The following FAM219A variants were observed in gnomAD, a reference collection of about 807,000 sequenced individuals.
The protein encoded by FAM219A is protein FAM219A.
Under a neutral mutation model 23.4 loss-of-function variants are expected in FAM219A, and 7 were observed. The observed-to-expected ratio is 0.30, with a 90% CI of 0.17 to 0.56. The LOEUF (loss-of-function observed/expected upper bound fraction) is 0.56, where lower values mean the gene tolerates loss of function less well. Among genes scored for constraint, FAM219A ranks in the 20% least tolerant of loss-of-function variants. The pLI is 0.92. For missense variants in FAM219A, 166 were observed against 246.9 expected, an observed-to-expected ratio of 0.67 and a Z score of 2.20; for synonymous variants, 93 against 99.0, an observed-to-expected ratio of 0.94 and a Z score of 0.36.
intron 1 of FAM219A, among the ~76,000 whole-genome samples, chr9:34,408,143 A>G (rs1367976733): frequency 6.6e-6 from 1 of 152,244 alleles, no homozygotes; most frequent in Non-Finnish European, 1.5e-5. Flanking sequence ...GAAGAAGGGC[A>G]GGAGGCTTTG....
At position 34,398,527 on chromosome 9, in the gene FAM219A, C is replaced by T; in HGVS notation, c.*2437G>A. On this transcript the variant is annotated 3_prime_UTR_variant, in exon 6 of 6. Transcript: ENST00000651358. Reference sequence around the variant, plus strand: ...CTGCCAGCTTCCTGCCTCTCTCTGCCACACATGCACTGCCTCAGTTGGAAG... The same window carrying T: ...CTGCCAGCTTCCTGCCTCTCTCTGCTACACATGCACTGCCTCAGTTGGAAG... 1.4e-6 allele frequency: 1 copy of T among 696,242 alleles called. No homozygotes were observed. The highest frequency in any genetic ancestry group is 2.7e-5 in the East Asian group (1 of 36,802). The allele number at this position is 696,242 out of a possible 1,614,324, so 43.1% of individuals were successfully genotyped here.
chr9:34,401,653 G>A lies in FAM219A; in HGVS notation c.399+13C>T, dbSNP rs772018217. 4.7e-5 allele frequency: 75 copies of A among 1,605,096 alleles called. No individual in the cohort carries two copies. The South Asian group carries it at 8.0e-4, about 17-fold the overall frequency. ...CCCGGTGGTGTCTAGGGTGAGAAGGGGTAGGGGCTCACCTCAGCAGAGGAG... is the reference window on the plus strand; with the variant it reads ...CCCGGTGGTGTCTAGGGTGAGAAGGAGTAGGGGCTCACCTCAGCAGAGGAG... On this transcript the variant is annotated intron_variant, in intron 5 of 5. Transcript: ENST00000651358.
chr9:34,412,461 T>C (rs1347990376), intron 1 of FAM219A, among the ~76,000 whole-genome samples: 1 of 151,934 alleles, frequency 6.6e-6, no homozygotes, highest in East Asian at 1.9e-4. Flanking sequence ...TGGGAACAGG[T>C]TGAATTTTGA....
intron 1 of FAM219A, among the ~76,000 whole-genome samples, chr9:34,444,734 C>T (rs970600209): frequency 2.0e-5 from 3 of 152,332 alleles, no homozygotes; most frequent in East Asian, 1.9e-4. Context: ...CTTGTAAGAA[C>T]AAAATCCTTC....
At chr9:34,453,278 C>T (rs989176026) in intron 1 of FAM219A, among the ~76,000 whole-genome samples, 3 of 152,078 alleles carry the variant, frequency 2.0e-5, no homozygotes, top group Non-Finnish European at 2.9e-5. Flanking sequence ...ATGTTCTCTC[C>T]GCCACTTTCA....
chr9:34,428,563 A>G (rs1822572800), intron 1 of FAM219A, among the ~76,000 whole-genome samples: 1 of 152,228 alleles, frequency 6.6e-6, no homozygotes, highest in Admixed American at 6.5e-5. Flanking sequence ...TGAGTCCTGC[A>G]CTGTTTCTTC....
At chr9:34,444,512 C>A (rs1445573297) in intron 1 of FAM219A, among the ~76,000 whole-genome samples, 1 of 152,182 alleles carries the variant, frequency 6.6e-6, no homozygotes, top group Non-Finnish European at 1.5e-5. Flanking sequence ...TTCTCCAGCC[C>A]CCACAACAAA....
Position 34,399,180 on chromosome 9 carries a change from C to G in FAM219A, c.*1784G>C, listed in dbSNP as rs1159448731. 1 of 152,156 alleles carries G rather than the reference C, an allele frequency of 6.6e-6. No homozygotes were observed. The highest frequency in any genetic ancestry group is 1.5e-5 in the Non-Finnish European group (1 of 68,092). 9.4% of individuals were successfully genotyped at this position (152,156 alleles called of 1,614,324 possible). A position where few individuals can be genotyped will look rare whatever the true frequency, so the allele number is the denominator to read the frequency against. On this transcript the variant is annotated 3_prime_UTR_variant, in exon 6 of 6. Transcript: ENST00000651358. Reference sequence around the variant, plus strand: ...TGTGAGTGGATCCATGGGAGTGGATCCACCAGCACATGTGGGGTGTTAGCA... The same window carrying G: ...TGTGAGTGGATCCATGGGAGTGGATGCACCAGCACATGTGGGGTGTTAGCA...
chr9:34,398,240 A>G lies in FAM219A; in HGVS notation c.*2724T>C. On this transcript the variant is annotated 3_prime_UTR_variant, in exon 6 of 6. Transcript: ENST00000651358. Reference sequence around the variant, plus strand: ...TGTGTTACACGATACACAACCAAGGATGATGGTCAATACTGCAATGAAAAT... The same window carrying G: ...TGTGTTACACGATACACAACCAAGGGTGATGGTCAATACTGCAATGAAAAT... 1.3e-6 allele frequency: 2 copies of G among 1,542,972 alleles called. No individual in the cohort carries two copies. The highest frequency in any genetic ancestry group is 8.8e-7 in the Non-Finnish European group (1 of 1,140,154).
At chr9:34,409,109 G>C in intron 1 of FAM219A, among the ~76,000 whole-genome samples, 1 of 152,308 alleles carries the variant, frequency 6.6e-6, no homozygotes, top group East Asian at 1.9e-4. Flanking sequence ...CACAATTCAG[G>C]AGGGCCTGAC....
intron 1 of FAM219A, among the ~76,000 whole-genome samples, chr9:34,441,804 A>C (rs1823184713): frequency 6.6e-6 from 1 of 152,112 alleles, no homozygotes; most frequent in Admixed American, 6.5e-5. Context: ...ATCATGGCTC[A>C]CTGCAGCCTC....
rs1588024540 is a variant in FAM219A at position 34,398,775 on chromosome 9, T to G, written c.*2189A>C. ...GGTAGTGGGAGGGCTGGCTCTGGGG[T>G]CCAGATGATGGGGGCACAGGGGTTG... On this transcript the variant is annotated 3_prime_UTR_variant, in exon 6 of 6. Coordinates refer to ENST00000651358, the MANE Select transcript of FAM219A (RefSeq NM_001184940.2). 1 of 182,076 alleles carries G rather than the reference T, an allele frequency of 5.5e-6. No individual in the cohort carries two copies. Among genetic ancestry groups the G allele is most frequent in the Non-Finnish European group, 1.1e-5 (1 of 89,182 alleles). The allele number at this position is 182,076 out of a possible 1,614,324, so 11.3% of individuals were successfully genotyped here.
At chr9:34,414,437 G>A (rs773291560) in intron 1 of FAM219A, among the ~76,000 whole-genome samples, 3 of 152,218 alleles carry the variant, frequency 2.0e-5, no homozygotes, top group Non-Finnish European at 4.4e-5. Flanking sequence ...AAGATCCTTA[G>A]GGGATAGGTG....
chr9:34,452,386 C>T (rs549614266), intron 1 of FAM219A, among the ~76,000 whole-genome samples: 1 of 152,152 alleles, frequency 6.6e-6, no homozygotes, highest in African/African-American at 2.4e-5. Flanking sequence ...CTGAGTTTCC[C>T]GAGGTGATGA....
In FAM219A at chr9:34,399,545, T is replaced by C. The variant is rs1821346823; in HGVS notation, c.*1419A>G. On this transcript the variant is annotated 3_prime_UTR_variant, in exon 6 of 6. Coordinates refer to ENST00000651358, the MANE Select transcript of FAM219A (RefSeq NM_001184940.2). ...TGTGCTCAGACATACACAGTCCTGA[T>C]AGGAACTGCCCCTTCGCCTTTCTAC... 1 of 152,146 alleles carries C rather than the reference T, an allele frequency of 6.6e-6. No homozygotes were observed. The allele number at this position is 152,146 out of a possible 1,614,324, so 9.4% of individuals were successfully genotyped here. A position where few individuals can be genotyped will look rare whatever the true frequency, so the allele number is the denominator to read the frequency against.
rs1455491915 is a variant in FAM219A, at chr9:34,455,297, CGAG to C, written c.60+2904_60+2906del. Among the ~76,000 whole-genome samples the C allele has an allele frequency of 1.6e-4, 24 of 151,834 alleles. No homozygotes were observed. In the East Asian group the frequency reaches 4.7e-3, roughly 29 times the overall value. On this transcript the variant is annotated intron_variant, in intron 1 of 5. Coordinates refer to ENST00000651358, the MANE Select transcript of FAM219A (RefSeq NM_001184940.2). ...TTCATCTCATAAATGGAAAAACAAT[CGAG>C]GAAGGAGGAGAGACTTCCTAGAGGT...
At position 34,400,681 on chromosome 9, in the gene FAM219A, C is replaced by T. The variant is rs1411389878; in HGVS notation, c.*283G>A. On this transcript the variant is annotated 3_prime_UTR_variant, in exon 6 of 6. Coordinates refer to ENST00000651358, the MANE Select transcript of FAM219A (RefSeq NM_001184940.2). ...TTCTCTCTTGGCCAGCCCTGGGAAG[C>T]GGGGCAGGGTGCTGGGTGAGGTTCC... The T allele has an allele frequency of 1.3e-5, 4 of 318,218 alleles. No homozygotes were observed. The highest frequency in any genetic ancestry group is 2.2e-4 in the South Asian group (2 of 9,204). 19.7% of individuals were successfully genotyped at this position (318,218 alleles called of 1,614,324 possible).
Position 34,457,799 on chromosome 9 carries a change from C to T in FAM219A, c.60+405G>A, listed in dbSNP as rs374483710. On this transcript the variant is annotated intron_variant, in intron 1 of 5. Coordinates refer to ENST00000651358, the MANE Select transcript of FAM219A (RefSeq NM_001184940.2). This position sits in a 1 kb window ranked among gnomAD's most constrained non-coding sequence, Gnocchi z 5.1. ...CCCAATCTCTCTTAGCCTGACGGCTCCCCCGCCCTAAGCATCACAGGCCTC... is the reference window on the plus strand; with the variant it reads ...CCCAATCTCTCTTAGCCTGACGGCTTCCCCGCCCTAAGCATCACAGGCCTC... Among the ~76,000 whole-genome samples, 1 of 152,060 alleles carries T rather than the reference C, an allele frequency of 6.6e-6. No individual in the cohort carries two copies. Among genetic ancestry groups the T allele is most frequent in the Non-Finnish European group, 1.5e-5 (1 of 67,944 alleles).
intron 1 of FAM219A, among the ~76,000 whole-genome samples, chr9:34,415,192 C>T (rs377380855): frequency 7.2e-5 from 11 of 152,068 alleles, no homozygotes; most frequent in African/African-American, 2.7e-4. Context: ...TCTTTCCACA[C>T]ACCACACTTC....
Sources: gnomAD v4.1 joint callset for allele counts (sites outside exome capture counted in the v4.1 genomes callset) on GRCh38, gnomAD v4.1.1 for gene constraint, Gnocchi (gnomAD v3.1) non-coding constraint, MANE v1.5 for transcripts, NCBI Gene and HGNC (gene_info 2026-07-23, HGNC 2026-07-21) for gene names.